AXIN2: variants seen among roughly 807,000 people sequenced by gnomAD.
AXIN2 encodes the protein axin-2.
In AXIN2, 21 loss-of-function variants were observed where a neutral mutation model predicts 74.7. That is an observed-to-expected ratio of 0.28 (90% CI 0.20 to 0.40). AXIN2 has a LOEUF of 0.40. AXIN2 is among the 10% of genes least tolerant of loss of function. AXIN2 has a pLI of 1.00. For missense variants in AXIN2, 1,144 were observed against 1,111.1 expected (o/e 1.03, Z -0.42); for synonymous variants, 532 against 454.9 (o/e 1.17, Z -2.16).
chr17:65,538,455 T>TGTAGAGTG, intron 4 of AXIN2, 112 bp from the exon 5 acceptor site: 1 of 1,438,132 alleles, frequency 7.0e-7, no homozygotes, highest in Non-Finnish European at 9.6e-7. Flanking sequence ...CATGTTCGGG[T>TGTAGAGTG]GTAGAGTGGA....
At chr17:65,552,720 C>T (rs112064191) in intron 2 of AXIN2, among the ~76,000 whole-genome samples, 22 of 152,202 alleles carry the variant, frequency 1.4e-4, no homozygotes, top group Non-Finnish European at 2.8e-4. Context: ...AAGAAAAAAC[C>T]GAGTGCCAAC....
intron 10 of AXIN2, among the ~76,000 whole-genome samples, chr17:65,531,497 GA>G (rs924311314): frequency 2.5e-4 from 38 of 151,916 alleles, no homozygotes; most frequent in Admixed American, 2.4e-3. Context: ...ACAGTGGGGG[GA>G]AAAGTCACTT....
intron 4 of AXIN2, among the ~76,000 whole-genome samples, chr17:65,541,233 C>T (rs2044037170): frequency 6.6e-6 from 1 of 152,162 alleles, no homozygotes; most frequent in Admixed American, 6.5e-5. Flanking sequence ...TATAGCAAAA[C>T]TGACTGATAC....
At chr17:65,559,025 G>T (rs1459033955) in intron 1 of AXIN2, among the ~76,000 whole-genome samples, 1 of 152,056 alleles carries the variant, frequency 6.6e-6, no homozygotes, top group Admixed American at 6.5e-5. Flanking sequence ...ACGGCAGGGG[G>T]ACACTGGAGG....
chr17:65,538,573 A>C, intron 4 of AXIN2, among the ~76,000 whole-genome samples: 1 of 145,542 alleles, frequency 6.9e-6, no homozygotes, highest in South Asian at 2.3e-4. Context: ...AGTTGGTCGC[A>C]CTCCGAGAGG....
At chr17:65,553,801 G>GA (rs1368284684) in intron 2 of AXIN2, among the ~76,000 whole-genome samples, 1 of 122,620 alleles carries the variant, frequency 8.2e-6, no homozygotes, top group Non-Finnish European at 1.6e-5. Flanking sequence ...ATAATTTTAA[G>GA]AAAACGGAGT....
In AXIN2 at chr17:65,558,222, C is replaced by T. The variant is rs754867315; in HGVS notation, c.399G>A (p.Ala133=). The T allele has an allele frequency of 3.7e-6, 6 of 1,614,086 alleles. No individual in the cohort carries two copies. In the Admixed American group the frequency reaches 1.0e-4, roughly 27 times the overall value. ...TGTTCTCAATGTACCTTTTGTAGAT[C>T]GCTTTGGCTACTCGTAAAGTTTTGG... ...KDTKTLRVAK[A]IYKRYIENNS... Residue 133 remains alanine (A), a synonymous_variant, in exon 2 of 11, where the codon GCG becomes GCA. Transcript: ENST00000307078.
At chr17:65,541,649 GC>G in intron 3 of AXIN2, 92 bp from the exon 4 acceptor site, 1 of 1,031,084 alleles carries the variant, frequency 9.7e-7, no homozygotes, top group Non-Finnish European at 1.5e-6. Flanking sequence ...TTGAGATCCC[GC>G]CGACAGGGCC....
intron 6 of AXIN2, 57 bp downstream of exon 6, chr17:65,537,267 T>C: frequency 2.5e-6 from 4 of 1,610,308 alleles, no homozygotes; most frequent in African/African-American, 1.3e-5. Context: ...CACCTGCCCA[T>C]GGACCTGGCT....
chr17:65,556,715 C>T (rs1210422561), intron 2 of AXIN2, among the ~76,000 whole-genome samples: 1 of 152,126 alleles, frequency 6.6e-6, no homozygotes, highest in East Asian at 1.9e-4. Context: ...CACCTCTCTT[C>T]CTGCTGCTGG....
In AXIN2 at chr17:65,557,792, C is replaced by T. The variant is rs1598118823; in HGVS notation, c.815+14G>A. 1 of 1,613,770 alleles carries T rather than the reference C, an allele frequency of 6.2e-7. No homozygotes were observed. Among genetic ancestry groups the T allele is most frequent in the Non-Finnish European group, 8.5e-7 (1 of 1,179,666 alleles). ...TCCACAGCATCAGCCCACCCGCCCC[C>T]GTCAAAGTCTTACCTGTATCCACTG... On this transcript the variant is annotated intron_variant, in intron 2 of 10. Coordinates refer to ENST00000307078, the MANE Select transcript of AXIN2 (RefSeq NM_004655.4).
intron 1 of AXIN2, chr17:65,560,755 C>A (rs977728248): frequency 7.9e-5 from 12 of 151,914 alleles, no homozygotes; most frequent in African/African-American, 2.6e-4. Flanking sequence ...AGCCGGCCTG[C>A]CAACTTCAAA....
In AXIN2 at chr17:65,536,649, CAG is replaced by C. The variant is rs895624038; in HGVS notation, c.1908-98_1908-97del. ...TCAATAGAAACTTGTCTATTCTGCTCAGAGAGAGAGTTAAAAAAAAAACTACC... is the reference window on the plus strand; with the variant it reads ...TCAATAGAAACTTGTCTATTCTGCTCAGAGAGAGTTAAAAAAAAAACTACC... On this transcript the variant is annotated intron_variant, in intron 7 of 10. Coordinates refer to ENST00000307078, the MANE Select transcript of AXIN2 (RefSeq NM_004655.4). 9 of 1,456,200 alleles carry C rather than the reference CAG, an allele frequency of 6.2e-6. No individual in the cohort carries two copies. In the African/African-American group the frequency reaches 1.1e-4, roughly 18 times the overall value. 90.2% of individuals were successfully genotyped at this position (1,456,200 alleles called of 1,614,324 possible).
At chr17:65,544,601 T>A (rs2044091642) in intron 3 of AXIN2, among the ~76,000 whole-genome samples, 1 of 152,200 alleles carries the variant, frequency 6.6e-6, no homozygotes, top group African/African-American at 2.4e-5. Context: ...TCTCTTCTTT[T>A]ATTCAAGCTC....
At position 65,558,057 on chromosome 17, in the gene AXIN2, C is replaced by T. The variant is rs753137017; in HGVS notation, c.564G>A (p.Gln188=). 20 of 1,614,144 alleles carry T rather than the reference C, an allele frequency of 1.2e-5. No homozygotes were observed. In the Admixed American group the frequency reaches 3.3e-4, roughly 27 times the overall value. Residue 188 remains glutamine, a synonymous_variant, in exon 2 of 11, where the codon CAG becomes CAA. Transcript: ENST00000307078. Reference sequence around the variant, plus strand: ...GGTATATATCAGAAGTCAAAAACATCTGGTAGGCATTTTCCTCCATCACCG... The same window carrying T: ...GGTATATATCAGAAGTCAAAAACATTTGGTAGGCATTTTCCTCCATCACCG... ...IQSVMEENAY[Q]MFLTSDIYLE...
chr17:65,558,656 T>G lies in AXIN2; in HGVS notation c.-36A>C. ...CTCTTCCCACTGAGTCTGGGAATTTTTCTTCTTCCAGTTCCTCTCAGCAAT... is the reference window on the plus strand; with the variant it reads ...CTCTTCCCACTGAGTCTGGGAATTTGTCTTCTTCCAGTTCCTCTCAGCAAT... On this transcript the variant is annotated 5_prime_UTR_variant, in exon 2 of 11. Coordinates refer to ENST00000307078, the MANE Select transcript of AXIN2 (RefSeq NM_004655.4). 1.3e-6 allele frequency: 2 copies of G among 1,590,390 alleles called. No homozygotes were observed. The highest frequency in any genetic ancestry group is 2.2e-5 in the East Asian group (1 of 44,488).
chr17:65,530,178 G>A (rs2043793050), intron 10 of AXIN2, 76 bp from the exon 11 acceptor site: 1 of 1,583,606 alleles, frequency 6.3e-7, no homozygotes, highest in Non-Finnish European at 8.6e-7. Context: ...ATACCAACAT[G>A]GAGGACTGAG....
In AXIN2 at chr17:65,538,184, A is replaced by G. The variant is rs116931989; in HGVS notation, c.1200+19T>C. The G allele has an allele frequency of 1.3e-3, 2,143 of 1,614,092 alleles. 32 individuals carry two copies. The East Asian group carries it at 0.036, about 27-fold the overall frequency. ...TCACGCCGTGGACGGAAGCAGGAAG[A>G]AGGCCTAGGCCGCATTACCTCTCGG... On this transcript the variant is annotated intron_variant, in intron 5 of 10. Transcript: ENST00000307078.
chr17:65,549,483 CCAAG>C, intron 3 of AXIN2, 33 bp downstream of exon 3: 1 of 1,610,768 alleles, frequency 6.2e-7, no homozygotes, highest in South Asian at 1.1e-5. Flanking sequence ...GCATCCACTC[CCAAG>C]CAAGCCCACG....
Sources: gnomAD v4.1 joint callset for allele counts (sites outside exome capture counted in the v4.1 genomes callset) on GRCh38, gnomAD v4.1.1 for gene constraint, MANE v1.5 for transcripts, NCBI Gene and HGNC (gene_info 2026-07-23, HGNC 2026-07-21) for gene names.